The following RBFOX2 variants were observed in gnomAD, a reference collection of about 807,000 sequenced individuals.
RBFOX2 encodes RNA binding protein fox-1 homolog 2.
A neutral mutation model predicts 49.1 loss-of-function variants in RBFOX2; 10 were observed. That is an observed-to-expected ratio of 0.20 (90% CI 0.13 to 0.35). The LOEUF (loss-of-function observed/expected upper bound fraction) is 0.35. Ranked by LOEUF, RBFOX2 falls within the 10% of genes least tolerant of loss-of-function variation. RBFOX2 has a pLI of 1.00. For missense variants in RBFOX2, 323 were observed against 486.9 expected (o/e 0.66, Z 3.17); for synonymous variants, 183 against 187.4 (o/e 0.98, Z 0.19).
chr22:35,893,383 C>T (rs772502114), intron 1 of RBFOX2, among the ~76,000 whole-genome samples: 17 of 152,178 alleles, frequency 1.1e-4, no homozygotes, highest in Non-Finnish European at 2.1e-4. Context: ...ACTAAGGAGA[C>T]TGTCACTGTC....
chr22:35,805,516 A>C, intron 2 of RBFOX2, among the ~76,000 whole-genome samples: 1 of 152,092 alleles, frequency 6.6e-6, no homozygotes, highest in East Asian at 1.9e-4. Context: ...ACTCTCATTC[A>C]TTGCTGGTGG....
intron 1 of RBFOX2, among the ~76,000 whole-genome samples, chr22:35,896,371 A>C (rs1253266024): frequency 1.3e-5 from 2 of 151,834 alleles, no homozygotes; most frequent in African/African-American, 4.9e-5. Context: ...CCCACTCATT[A>C]AAGAAAACAC....
chr22:35,864,558 C>T (rs147988275), intron 1 of RBFOX2, among the ~76,000 whole-genome samples: 51 of 152,226 alleles, frequency 3.4e-4, no homozygotes, highest in African/African-American at 1.2e-3. Context: ...ACTTCCCACC[C>T]CCAAAAGTAG....
rs112978305 is a variant in RBFOX2 at position 35,878,435 on chromosome 22, G to A, written c.-34+60412C>T. 3.8e-3 allele frequency among the ~76,000 whole-genome samples: 584 copies of A among 152,186 alleles called. 8 individuals are homozygous for A. Among genetic ancestry groups the A allele is most frequent in the African/African-American group, 0.013 (527 of 41,514 alleles). ...AAATAAAATAAAGATACAGGGTCTC[G>A]CTCTGTCACCCAGGATGGAGTGCAG... On this transcript the variant is annotated intron_variant, in intron 1 of 13. Coordinates refer to the RBFOX2 transcript ENST00000359369.
At chr22:35,850,331 C>T (rs934516451) in intron 1 of RBFOX2, among the ~76,000 whole-genome samples, 3 of 152,062 alleles carry the variant, frequency 2.0e-5, no homozygotes, top group African/African-American at 7.2e-5. Flanking sequence ...CACACTGATA[C>T]ACGCAGTAAG....
chr22:35,755,282 T>C (rs1242212447), intron 9 of RBFOX2, among the ~76,000 whole-genome samples: 1 of 152,220 alleles, frequency 6.6e-6, no homozygotes, highest in Non-Finnish European at 1.5e-5. Flanking sequence ...GATAAAAGAC[T>C]TCAAAACTCA....
In RBFOX2 at chr22:35,869,108, A is replaced by G. The variant is rs554702160; in HGVS notation, c.-33-59104T>C. 2.0e-5 allele frequency among the ~76,000 whole-genome samples: 3 copies of G among 152,270 alleles called. No individual in the cohort carries two copies. In the East Asian group the frequency reaches 5.8e-4, roughly 29 times the overall value. ...ACCCCACCCCACTGTGATTCTTTCAAGTCAGGAACCAACTGACAAGAAAAC... is the reference window on the plus strand; with the variant it reads ...ACCCCACCCCACTGTGATTCTTTCAGGTCAGGAACCAACTGACAAGAAAAC... On this transcript the variant is annotated intron_variant, in intron 1 of 13. Coordinates refer to the RBFOX2 transcript ENST00000359369.
intron 1 of RBFOX2, chr22:35,994,763 C>T (rs2058120010): frequency 6.6e-6 from 1 of 151,980 alleles, no homozygotes; most frequent in African/African-American, 2.4e-5. Context: ...CACTTTGTTG[C>T]CCAAGCGATC....
intron 1 of RBFOX2, among the ~76,000 whole-genome samples, chr22:35,930,625 T>G (rs566865419): frequency 8.6e-5 from 13 of 151,160 alleles, no homozygotes; most frequent in Admixed American, 7.2e-4. Flanking sequence ...AGGTCAGGAG[T>G]TCGAGATCAG....
At chr22:35,899,122 AATAACATAACATAACATAAC>A (rs59505989) in intron 1 of RBFOX2, among the ~76,000 whole-genome samples, 40 of 139,320 alleles carry the variant, frequency 2.9e-4, no homozygotes, top group Middle Eastern at 7.2e-3. Flanking sequence ...CTGTCTCAAA[AATAACATAACATAACATAAC>A]ATAACATAAC....
chr22:35,890,567 C>T (rs1603440429), intron 1 of RBFOX2, among the ~76,000 whole-genome samples: 1 of 152,140 alleles, frequency 6.6e-6, no homozygotes, highest in East Asian at 1.9e-4. Context: ...AGGGGGACTA[C>T]TATACTGATA....
intron 2 of RBFOX2, among the ~76,000 whole-genome samples, chr22:35,796,677 T>A (rs1948847907): frequency 6.6e-6 from 1 of 152,248 alleles, no homozygotes; most frequent in African/African-American, 2.4e-5. Flanking sequence ...GCACTTTGCA[T>A]GAATCTTTTA....
intron 1 of RBFOX2, among the ~76,000 whole-genome samples, chr22:36,010,740 C>T (rs5995187): frequency 5.1e-4 from 72 of 141,970 alleles, no homozygotes; most frequent in Admixed American, 2.7e-3. Flanking sequence ...AGTACACACA[C>T]ACACACACAC....
intron 1 of RBFOX2, among the ~76,000 whole-genome samples, chr22:35,912,418 A>G (rs2049935127): frequency 6.6e-6 from 1 of 152,204 alleles, no homozygotes; most frequent in South Asian, 2.1e-4. Context: ...TCACCGCAAG[A>G]AAATTCTTCC....
intron 1 of RBFOX2, among the ~76,000 whole-genome samples, chr22:35,879,894 G>A (rs2045652325): frequency 6.6e-6 from 1 of 152,318 alleles, no homozygotes; most frequent in South Asian, 2.1e-4. Flanking sequence ...GGCAGCTCAC[G>A]CCTATAATCC....
chr22:35,937,826 T>C (rs961417408), intron 1 of RBFOX2, among the ~76,000 whole-genome samples: 1 of 152,118 alleles, frequency 6.6e-6, no homozygotes. Context: ...CCTGACCTCA[T>C]GATCCACCCA....
intron 1 of RBFOX2, among the ~76,000 whole-genome samples, chr22:35,858,653 C>T (rs2042776348): frequency 6.6e-6 from 1 of 151,728 alleles, no homozygotes; most frequent in Admixed American, 6.6e-5. Context: ...CGGTGAAACC[C>T]CAACTCTACT....
chr22:35,899,678 T>C (rs1370788454), intron 1 of RBFOX2, among the ~76,000 whole-genome samples: 1 of 152,048 alleles, frequency 6.6e-6, no homozygotes, highest in Admixed American at 6.5e-5. Context: ...TATAGCTATA[T>C]ACAATTCACA....
At chr22:35,961,755 C>T (rs996064429), upstream of RBFOX2, 5 of 1,202,860 alleles carry the variant, frequency 4.2e-6, no homozygotes, top group Non-Finnish European at 4.3e-6. Context: ...CCACACCACC[C>T]GCCCCAAAAA....
Sources: gnomAD v4.1 joint callset for allele counts (sites outside exome capture counted in the v4.1 genomes callset) on GRCh38, gnomAD v4.1.1 for gene constraint, MANE v1.5 for transcripts, NCBI Gene and HGNC (gene_info 2026-07-23, HGNC 2026-07-21) for gene names.